AFG1L: variants seen among roughly 807,000 people sequenced by gnomAD.
AFG1L encodes AFG1-like ATPase.
In AFG1L, 53 loss-of-function variants were observed where a neutral mutation model predicts 62.2. The ratio of observed to expected loss-of-function variants is 0.85; its 90% CI spans 0.68 to 1.07. The LOEUF is 1.07. AFG1L is among the 50% of genes least tolerant of loss of function. The pLI is 0.00. For synonymous variants in AFG1L, 228 were observed against 210.3 expected (o/e 1.08, Z -0.73); for missense variants, 555 against 590.5 (o/e 0.94, Z 0.62).
intron 1 of AFG1L, among the ~76,000 whole-genome samples, chr6:108,296,089 ATTAT>A (rs546734725): frequency 5.1e-4 from 77 of 152,324 alleles, no homozygotes; most frequent in African/African-American, 1.7e-3. Context: ...ACCTTAATAG[ATTAT>A]TTATTAATTT....
chr6:108,444,779 G>T (rs1257461768), intron 7 of AFG1L, among the ~76,000 whole-genome samples: 2 of 152,202 alleles, frequency 1.3e-5, no homozygotes, highest in Non-Finnish European at 2.9e-5. Context: ...CAAGGGCTTT[G>T]TTATTTCATT....
chr6:108,461,212 A>G (rs960192740), intron 8 of AFG1L, among the ~76,000 whole-genome samples: 28 of 152,148 alleles, frequency 1.8e-4, no homozygotes, highest in African/African-American at 6.8e-4. Context: ...TAAGTAGCTG[A>G]TCAGTAATGG....
At chr6:108,363,492 CAT>C (rs1471655989) in intron 5 of AFG1L, among the ~76,000 whole-genome samples, 2 of 151,786 alleles carry the variant, frequency 1.3e-5, no homozygotes, top group South Asian at 4.1e-4. Flanking sequence ...TTGTTTTTAA[CAT>C]GTGTTTTGGT....
chr6:108,366,112 G>C (rs1198131411), intron 5 of AFG1L, 121 bp from the exon 6 acceptor site: 1 of 583,808 alleles, frequency 1.7e-6, no homozygotes, highest in Non-Finnish European at 3.1e-6. Context: ...TTTTCTTCAT[G>C]ATGATAATTA....
intron 2 of AFG1L, among the ~76,000 whole-genome samples, chr6:108,334,777 A>G (rs1018227866): frequency 6.6e-6 from 1 of 152,146 alleles, no homozygotes; most frequent in Non-Finnish European, 1.5e-5. Context: ...TTGAGAGCCT[A>G]GTCCCTGCAT....
chr6:108,310,979 A>T (rs1015037190), intron 1 of AFG1L, among the ~76,000 whole-genome samples: 1 of 152,160 alleles, frequency 6.6e-6, no homozygotes, highest in Non-Finnish European at 1.5e-5. Flanking sequence ...ATGCTGAAAG[A>T]TTAAGATAGT....
At chr6:108,375,390 C>A (rs1780200052) in intron 6 of AFG1L, among the ~76,000 whole-genome samples, 1 of 152,122 alleles carries the variant, frequency 6.6e-6, no homozygotes, top group African/African-American at 2.4e-5. Flanking sequence ...AGTGGACATC[C>A]TTTCTTATTC....
intron 8 of AFG1L, among the ~76,000 whole-genome samples, chr6:108,453,602 A>G (rs1188020173): frequency 1.3e-5 from 2 of 152,232 alleles, no homozygotes; most frequent in Non-Finnish European, 2.9e-5. Context: ...TAAAAACTTC[A>G]TGTTTCTTGC....
At chr6:108,395,016 G>GA (rs1364390308) in intron 6 of AFG1L, among the ~76,000 whole-genome samples, 1 of 152,016 alleles carries the variant, frequency 6.6e-6, no homozygotes, top group Non-Finnish European at 1.5e-5. Flanking sequence ...TTATAGGGAA[G>GA]AAAAAAATCT....
intron 11 of AFG1L, among the ~76,000 whole-genome samples, chr6:108,513,112 A>G (rs1416319874): frequency 1.3e-5 from 2 of 152,240 alleles, no homozygotes; most frequent in Non-Finnish European, 2.9e-5. Context: ...TAAAACATCA[A>G]GAAGAATATG....
intron 1 of AFG1L, among the ~76,000 whole-genome samples, chr6:108,316,005 C>T (rs1022675512): frequency 4.6e-5 from 7 of 152,062 alleles, no homozygotes; most frequent in African/African-American, 1.7e-4. Context: ...CATGATCATG[C>T]CACTGCACTC....
chr6:108,344,750 C>G (rs1437349931), intron 2 of AFG1L: 5 of 471,046 alleles, frequency 1.1e-5, no homozygotes, highest in South Asian at 4.6e-5. Flanking sequence ...TCACTCCACC[C>G]TGTCATACCT....
Position 108,323,950 on chromosome 6 carries a change from A to T in AFG1L, c.265A>T (p.Lys89Ter). Residue 89 changes from lysine (K) to a stop codon, truncating the protein, a stop_gained, in exon 2 of 13, where the codon AAG becomes TAG. Transcript: ENST00000368977. LOFTEE classifies it high-confidence loss of function. Reference protein sequence around the residue: ...YDFLIKAHELKDDEHQRRVIQ... With the variant: ...YDFLIKAHEL The stretch of plus-strand genomic sequence containing the variant: ...TTTTCTGATCAAAGCTCATGAGCTA[A>T]AGGATGATGAACATCAAAGAAGAGT... The T allele has an allele frequency of 6.2e-7, 1 of 1,614,176 alleles. No homozygotes were observed.
chr6:108,433,578 C>T (rs928727316), intron 7 of AFG1L, among the ~76,000 whole-genome samples: 6 of 150,336 alleles, frequency 4.0e-5, no homozygotes, highest in African/African-American at 1.5e-4. Context: ...TAAACCACCA[C>T]GCCCAGCCTT....
At chr6:108,394,121 C>T (rs1781186229) in intron 6 of AFG1L, among the ~76,000 whole-genome samples, 1 of 144,060 alleles carries the variant, frequency 6.9e-6, no homozygotes, top group African/African-American at 2.6e-5. Context: ...TCCCCCTCCC[C>T]TCCCTTCCCT....
chr6:108,437,216 T>G (rs1335278866), intron 7 of AFG1L, among the ~76,000 whole-genome samples: 1 of 152,198 alleles, frequency 6.6e-6, no homozygotes, highest in Non-Finnish European at 1.5e-5. Context: ...CCATAGCAGA[T>G]GATAATGATG....
chr6:108,507,031 A>G (rs534302433), intron 10 of AFG1L, among the ~76,000 whole-genome samples: 147 of 152,288 alleles, frequency 9.7e-4, no homozygotes, highest in Non-Finnish European at 1.8e-3. Flanking sequence ...TTTGGGGGGA[A>G]AAAACTTCCT....
chr6:108,301,553 A>T (rs1777001331), intron 1 of AFG1L, among the ~76,000 whole-genome samples: 1 of 152,256 alleles, frequency 6.6e-6, no homozygotes, highest in South Asian at 2.1e-4. Context: ...GGCAAGGGCC[A>T]TTCATAACTC....
At chr6:108,477,347 C>A in intron 10 of AFG1L, 55 bp downstream of exon 10, 1 of 1,005,788 alleles carries the variant, frequency 9.9e-7, no homozygotes, top group South Asian at 1.8e-5. Context: ...TAAAATACTT[C>A]GTGTTTTCCT....
Sources: allele counts gnomAD v4.1 joint callset (sites outside exome capture counted in the v4.1 genomes callset), GRCh38; gene constraint gnomAD v4.1.1; transcripts MANE v1.5; gene names NCBI Gene and HGNC (gene_info 2026-07-23, HGNC 2026-07-21).